Variants in INPP5F observed in about 807,000 individuals in gnomAD.
The protein encoded by INPP5F is inositol polyphosphate-5-phosphatase F.
A neutral mutation model predicts 137.2 loss-of-function variants in INPP5F; 97 were observed. The observed-to-expected ratio is 0.71, with a 90% CI of 0.60 to 0.84. The LOEUF is 0.84. Ranked by LOEUF, INPP5F falls within the 40% of genes least tolerant of loss-of-function variation. The pLI, the probability that INPP5F is intolerant of heterozygous loss-of-function variation, is 0.00. For missense variants in INPP5F, 1,271 were observed against 1,371.9 expected (o/e 0.93, Z 1.16); for synonymous variants, 504 against 476.9 (o/e 1.06, Z -0.74).
chr10:119,794,226 G>C (rs968351719), intron 6 of INPP5F, among the ~76,000 whole-genome samples: 3 of 151,830 alleles, frequency 2.0e-5, no homozygotes, highest in Non-Finnish European at 4.4e-5. Flanking sequence ...GACTCTTAAA[G>C]AGCATGCTGC....
intron 1 of INPP5F, among the ~76,000 whole-genome samples, chr10:119,750,108 C>T (rs1253671823): frequency 2.0e-5 from 3 of 152,138 alleles, no homozygotes; most frequent in African/African-American, 7.2e-5. Flanking sequence ...TTGAATGTAT[C>T]ATAACAAAGA....
At chr10:119,819,334 C>G in intron 15 of INPP5F, 1 of 1,124,464 alleles carries the variant, frequency 8.9e-7, no homozygotes, top group South Asian at 3.6e-5. Flanking sequence ...TGACATTTTC[C>G]GACTGCCTGT....
intron 6 of INPP5F, among the ~76,000 whole-genome samples, chr10:119,794,593 C>T (rs193163999): frequency 0.31 from 43,478 of 139,316 alleles, 7,398 homozygotes; most frequent in South Asian, 0.4. Context: ...CCAGTAGGGG[C>T]GGCCGGGCAA....
rs756423913 is a variant in INPP5F, at chr10:119,805,445, G to C, written c.1303G>C (p.Asp435His). 1.2e-6 allele frequency: 2 copies of C among 1,609,734 alleles called. No individual in the cohort carries two copies. The highest frequency in any genetic ancestry group is 3.3e-5 in the Admixed American group (2 of 60,020). The change falls in exon 11 of 20, where the codon GAT becomes CAT. Residue 435 changes from aspartate to histidine, a missense_variant. Transcript: ENST00000650623. The stretch of plus-strand genomic sequence containing the variant: ...AGATGCCATTTATGACATTATTCTT[G>C]ATATGAAGTGGTGTTGGTAAGTATT... ...LTDAIYDIIL[D>H]MKWCWVDEAG...
At chr10:119,800,562 A>AC (rs1229424707) in intron 9 of INPP5F, among the ~76,000 whole-genome samples, 2 of 151,738 alleles carry the variant, frequency 1.3e-5, no homozygotes, top group Non-Finnish European at 2.9e-5. Context: ...TCTCAAAAAA[A>AC]AAAAACAAAA....
intron 16 of INPP5F, 57 bp from the exon 17 acceptor site, chr10:119,822,374 C>A: frequency 1.1e-6 from 1 of 941,006 alleles, no homozygotes; most frequent in South Asian, 1.7e-5. Flanking sequence ...CCTTCCCTGA[C>A]AAGCCAAATA....
intron 2 of INPP5F, among the ~76,000 whole-genome samples, chr10:119,758,523 T>A (rs534690381): frequency 6.6e-6 from 1 of 152,150 alleles, no homozygotes; most frequent in African/African-American, 2.4e-5. Context: ...TTAAAATAGA[T>A]CACAAAAGCT....
intron 2 of INPP5F, among the ~76,000 whole-genome samples, chr10:119,772,369 A>G (rs1050413682): frequency 6.6e-6 from 1 of 152,104 alleles, no homozygotes; most frequent in Admixed American, 6.5e-5. Context: ...GTGGATGGAA[A>G]ATTACCGAGA....
In INPP5F at chr10:119,791,608, A is replaced by T. The variant is rs761697805; in HGVS notation, c.407A>T (p.His136Leu). The T allele has an allele frequency of 2.5e-6, 4 of 1,605,242 alleles. No homozygotes were observed. Among genetic ancestry groups the T allele is most frequent in the Non-Finnish European group, 3.4e-6 (4 of 1,172,772 alleles). The change falls in exon 4 of 20, where the codon CAT becomes CTT. Residue 136 changes from histidine to leucine, a missense_variant. Transcript: ENST00000650623. ...AAGTTTCTACTGAAGACCTTTACGCATATTAAATCCAATGTGTCTGCTCCT... is the reference window on the plus strand; with the variant it reads ...AAGTTTCTACTGAAGACCTTTACGCTTATTAAATCCAATGTGTCTGCTCCT... ...DSKFLLKTFT[H>L]IKSNVSAPNK...
At chr10:119,819,791 C>CA in intron 15 of INPP5F, 1 of 330,486 alleles carries the variant, frequency 3.0e-6, no homozygotes, top group Non-Finnish European at 5.4e-6. Flanking sequence ...ACTCAAGCTA[C>CA]AACGAGGTGT....
Position 119,827,549 on chromosome 10 carries a change from T to A in INPP5F, c.3168T>A (p.Thr1056=), listed in dbSNP as rs748755936. The A allele has an allele frequency of 7.4e-4, 1,190 of 1,613,960 alleles. 2 individuals are homozygous for A. The highest frequency in any genetic ancestry group is 9.6e-4 in the Non-Finnish European group (1,136 of 1,179,980). Residue 1056 remains threonine, a synonymous_variant, in exon 20 of 20, where the codon ACT becomes ACA. Transcript: ENST00000650623. ...MLELETGLHV[T]PSPSESSSSR... is the part of the protein sequence containing the mutation. ...AACTTGAGACAGGGCTTCATGTAAC[T>A]CCTTCTCCTTCAGAGAGCAGTAGCA...
At chr10:119,757,534 G>T (rs2094716913) in intron 2 of INPP5F, among the ~76,000 whole-genome samples, 2 of 151,946 alleles carry the variant, frequency 1.3e-5, no homozygotes, top group South Asian at 4.2e-4. Flanking sequence ...GCTCACACCT[G>T]TAATCCTAGC....
At chr10:119,813,628 A>C (rs1419862912) in intron 15 of INPP5F, among the ~76,000 whole-genome samples, 2 of 152,186 alleles carry the variant, frequency 1.3e-5, no homozygotes, top group Non-Finnish European at 2.9e-5. Flanking sequence ...CTGTCTCAAA[A>C]AAAACAAAAC....
chr10:119,788,223 A>G (rs1849993719), intron 3 of INPP5F, among the ~76,000 whole-genome samples: 1 of 152,144 alleles, frequency 6.6e-6, no homozygotes, highest in African/African-American at 2.4e-5. Flanking sequence ...CTGAGGGTCT[A>G]GTGTGTCTCA....
chr10:119,820,990 T>A, intron 16 of INPP5F, 73 bp downstream of exon 16: 1 of 961,782 alleles, frequency 1.0e-6, no homozygotes, highest in Non-Finnish European at 1.7e-6. Context: ...TTAGAATTCG[T>A]AACAAAAAAA....
intron 19 of INPP5F, among the ~76,000 whole-genome samples, chr10:119,826,173 G>A (rs1015314436): frequency 6.6e-6 from 1 of 152,148 alleles, no homozygotes; most frequent in Non-Finnish European, 1.5e-5. Flanking sequence ...TTGTACAGAT[G>A]GTGGCTGTGC....
At chr10:119,802,096 G>T (rs1441254023) in intron 9 of INPP5F, among the ~76,000 whole-genome samples, 1 of 152,158 alleles carries the variant, frequency 6.6e-6, no homozygotes, top group Non-Finnish European at 1.5e-5. Context: ...GTTCATTGGG[G>T]ATTTAGCCAA....
rs758399126 is a variant in INPP5F, at chr10:119,796,903, G to A, written c.858G>A (p.Arg286=). The A allele has an allele frequency of 6.2e-7, 1 of 1,613,840 alleles. No homozygotes were observed. Among genetic ancestry groups the A allele is most frequent in the East Asian group, 2.2e-5 (1 of 44,888 alleles). Residue 286 remains arginine (R), a synonymous_variant, in exon 7 of 20, where the codon AGG becomes AGA. Transcript: ENST00000650623. ...FLVALISRRS[R]HRAGMRYKRR... ...TGGCTCTCATTTCACGCCGAAGTAG[G>A]CACAGAGCAGGTGAGTGGAGGGCTG...
intron 2 of INPP5F, among the ~76,000 whole-genome samples, chr10:119,765,546 ATTTTT>A (rs36034689): frequency 4.6e-5 from 6 of 129,808 alleles, no homozygotes; most frequent in East Asian, 4.5e-4. Flanking sequence ...TAATTTTTGT[ATTTTT>A]TTTTTTTTTT....
Sources: allele counts gnomAD v4.1 joint callset (sites outside exome capture counted in the v4.1 genomes callset), GRCh38; gene constraint gnomAD v4.1.1; transcripts MANE v1.5; gene names NCBI Gene and HGNC (gene_info 2026-07-23, HGNC 2026-07-21).